CPAMD8: variants seen among roughly 807,000 people sequenced by gnomAD.
The protein encoded by CPAMD8 is C3 and PZP like alpha-2-macroglobulin domain containing 8.
A neutral mutation model predicts 224.7 loss-of-function variants in CPAMD8; 146 were observed. That is an observed-to-expected ratio of 0.65 (90% confidence interval 0.57 to 0.75). The LOEUF (loss-of-function observed/expected upper bound fraction) is 0.75. Ranked by LOEUF, CPAMD8 falls within the 30% of genes least tolerant of loss-of-function variation. The probability of loss-of-function intolerance (pLI) is 0.00; values close to 1 mark genes in which losing one functional copy is unlikely to be tolerated. For missense variants in CPAMD8, 2,301 were observed against 2,537.5 expected (o/e 0.91, Z 2.00); for synonymous variants, 966 against 1,044.6 (o/e 0.92, Z 1.45).
At chr19:16,979,876 C>T (rs1307561837) in intron 14 of CPAMD8, among the ~76,000 whole-genome samples, 2 of 152,132 alleles carry the variant, frequency 1.3e-5, no homozygotes, top group Non-Finnish European at 2.9e-5. Flanking sequence ...AGTGTCCTCA[C>T]CTGGAAGTGA....
chr19:17,007,532 TGAA>T lies in CPAMD8; in HGVS notation c.559+970_559+972del, dbSNP rs1018763881. ...AAGAAAGAACAAGAAAGAAGGAAGA[TGAA>T]GAAGAAGAAAAGAGGCTGAGACCCA... On this transcript the variant is annotated intron_variant, in intron 7 of 41. Coordinates refer to ENST00000443236, the MANE Select transcript of CPAMD8 (RefSeq NM_015692.5). 1.7e-4 allele frequency among the ~76,000 whole-genome samples: 26 copies of T among 149,988 alleles called. No individual in the cohort carries two copies. The Middle Eastern group carries it at 0.021, about 121-fold the overall frequency.
At chr19:16,952,264 G>A (rs2054323470) in intron 19 of CPAMD8, 64 bp from the exon 20 acceptor site, 2 of 941,728 alleles carry the variant, frequency 2.1e-6, no homozygotes, top group African/African-American at 3.3e-5. Context: ...AGGGGGGCCA[G>A]TGGGCATGGA....
Position 16,980,678 on chromosome 19 carries a change from T to G in CPAMD8, c.1404A>C (p.Glu468Asp), listed in dbSNP as rs772560197. ...TGGACTTCACAGAAAAATAGGCTTCTTCCCCAACCTATGGAAGACACGCAG... is the reference window on the plus strand; with the variant it reads ...TGGACTTCACAGAAAAATAGGCTTCGTCCCCAACCTATGGAAGACACGCAG... Reference protein sequence around the residue: ...QPPSHPLQVGEEAYFSVKSTC... With the variant: ...QPPSHPLQVGDEAYFSVKSTC... The change falls in exon 14 of 42, where the codon GAA becomes GAC. Residue 468 changes from glutamate to aspartate, a missense_variant. By Grantham distance (45) the Glu-to-Asp change is conservative. Transcript: ENST00000443236. The G allele has an allele frequency of 7.1e-6, 11 of 1,540,362 alleles. No homozygotes were observed. In the African/African-American group the frequency reaches 1.4e-4, roughly 20 times the overall value.
intron 15 of CPAMD8, among the ~76,000 whole-genome samples, chr19:16,976,521 G>A (rs899250632): frequency 6.6e-6 from 1 of 152,058 alleles, no homozygotes; most frequent in South Asian, 2.1e-4. Flanking sequence ...GTTTGGTCTA[G>A]TCCAGAGGCA....
At chr19:16,895,929 G>T in intron 41 of CPAMD8, 1 of 594,506 alleles carries the variant, frequency 1.7e-6, no homozygotes, top group Non-Finnish European at 3.1e-6. Context: ...ACACACACAC[G>T]CGCGCGTGCG....
rs1464337952 is a variant in CPAMD8 at position 17,011,641 on chromosome 19, A to G, written c.384T>C (p.Ala128=). ...QTSVTVDGRG[A]SVFIQTDKPV... ...GCTTGTCCGTCTGGATGAATACAGA[A>G]GCGCCCCGGCCGTCCACGGTCACCG... The change falls in exon 4 of 42, where the codon GCT becomes GCC. Residue 128 remains alanine, a synonymous_variant. Transcript: ENST00000443236. 1 of 1,614,080 alleles carries G rather than the reference A, an allele frequency of 6.2e-7. No individual in the cohort carries two copies. Among genetic ancestry groups the G allele is most frequent in the East Asian group, 2.2e-5 (1 of 44,866 alleles).
chr19:17,025,995 G>A (rs908852968), intron 1 of CPAMD8, among the ~76,000 whole-genome samples: 7 of 152,070 alleles, frequency 4.6e-5, no homozygotes, highest in East Asian at 3.9e-4. Flanking sequence ...CCCTGAACCC[G>A]CAGCCCTGCA....
intron 23 of CPAMD8, among the ~76,000 whole-genome samples, chr19:16,934,619 T>C (rs1292534959): frequency 6.6e-6 from 1 of 152,186 alleles, no homozygotes; most frequent in African/African-American, 2.4e-5. Context: ...TATAATTACA[T>C]AGTGCGTGAA....
intron 18 of CPAMD8, among the ~76,000 whole-genome samples, chr19:16,969,407 G>A (rs2054969821): frequency 6.6e-6 from 1 of 152,150 alleles, no homozygotes; most frequent in Admixed American, 6.6e-5. Flanking sequence ...ACAGTGCAGA[G>A]GACACCCCTC....
At chr19:16,981,468 A>G (rs2055513029) in intron 13 of CPAMD8, among the ~76,000 whole-genome samples, 1 of 152,178 alleles carries the variant, frequency 6.6e-6, no homozygotes, top group African/African-American at 2.4e-5. Flanking sequence ...GGGTCCTATC[A>G]TAGTCCCCAA....
rs759152870 is a variant in CPAMD8, at chr19:17,008,574, G to A, written c.505-15C>T. The A allele has an allele frequency of 2.5e-6, 4 of 1,613,968 alleles. No individual in the cohort carries two copies. Among genetic ancestry groups the A allele is most frequent in the Non-Finnish European group, 3.4e-6 (4 of 1,179,914 alleles). ...CCTCGGGGGTCCTGTTGGTGGTGGA[G>A]GGGGACAGACACACGGAGTGAACTC... On this transcript the variant is annotated splice_polypyrimidine_tract_variant and intron_variant, in intron 6 of 41. Transcript: ENST00000443236.
chr19:16,896,065 C>T (rs775057531), intron 41 of CPAMD8, 111 bp downstream of exon 41: 4 of 927,274 alleles, frequency 4.3e-6, no homozygotes, highest in South Asian at 5.3e-5. Context: ...AGTGGGGGGT[C>T]GGGGCGGGGC....
chr19:16,959,363 T>C (rs1412945082), intron 18 of CPAMD8, among the ~76,000 whole-genome samples: 4 of 148,512 alleles, frequency 2.7e-5, no homozygotes, highest in Non-Finnish European at 6.0e-5. Context: ...TTAGTAGAGA[T>C]GGGGTTTTGT....
intron 18 of CPAMD8, among the ~76,000 whole-genome samples, chr19:16,964,890 A>G (rs1176530773): frequency 6.6e-6 from 1 of 152,174 alleles, no homozygotes; most frequent in Non-Finnish European, 1.5e-5. Flanking sequence ...GGTTCAACGT[A>G]CACAAATCAA....
chr19:16,903,906 A>C, intron 32 of CPAMD8, 49 bp from the exon 33 acceptor site: 2 of 1,581,002 alleles, frequency 1.3e-6, no homozygotes, highest in South Asian at 2.2e-5. Flanking sequence ...TGAGTTGGCC[A>C]GTGGTCCCCT....
At position 17,008,578 on chromosome 19, in the gene CPAMD8, G is replaced by T; in HGVS notation, c.505-19C>A. 1.2e-6 allele frequency: 2 copies of T among 1,613,850 alleles called. No individual in the cohort carries two copies. The highest frequency in any genetic ancestry group is 1.7e-6 in the Non-Finnish European group (2 of 1,179,782). On this transcript the variant is annotated intron_variant, in intron 6 of 41. Transcript: ENST00000443236. ...GGGGGTCCTGTTGGTGGTGGAGGGG[G>T]ACAGACACACGGAGTGAACTCAGGC...
In CPAMD8 at chr19:16,970,941, C is replaced by T; in HGVS notation, c.2163G>A (p.Gln721=). 1 of 1,613,984 alleles carries T rather than the reference C, an allele frequency of 6.2e-7. No homozygotes were observed. The highest frequency in any genetic ancestry group is 8.5e-7 in the Non-Finnish European group (1 of 1,179,978). ...LYTDEAVPAF[Q]PHTGSLVAVA... is the part of the protein sequence containing the mutation. ...CTGCCACCAGGCTCCCTGTGTGGGG[C>T]TGGAAAGCGGGGACAGCCTCATCGG... The change falls in exon 18 of 42, where the codon CAG becomes CAA. Residue 721 remains glutamine, a synonymous_variant. Coordinates refer to ENST00000443236, the MANE Select transcript of CPAMD8 (RefSeq NM_015692.5).
intron 13 of CPAMD8, among the ~76,000 whole-genome samples, chr19:16,986,935 C>T (rs2055741188): frequency 6.6e-6 from 1 of 151,710 alleles, no homozygotes; most frequent in East Asian, 1.9e-4. Context: ...GAGGGTGGAT[C>T]ACCTGAGGCC....
chr19:16,953,673 C>T (rs1388599698), intron 19 of CPAMD8, among the ~76,000 whole-genome samples: 1 of 142,004 alleles, frequency 7.0e-6, no homozygotes, highest in Non-Finnish European at 1.5e-5. Flanking sequence ...AAAAAAAAGG[C>T]ACTATCAACA....
Sources: gnomAD v4.1 joint callset for allele counts (sites outside exome capture counted in the v4.1 genomes callset) on GRCh38, gnomAD v4.1.1 for gene constraint, MANE v1.5 for transcripts, NCBI Gene and HGNC (gene_info 2026-07-23, HGNC 2026-07-21) for gene names.